ZNF177: variants seen among roughly 807,000 people sequenced by gnomAD.
ZNF177 encodes zinc finger protein 177.
ZNF177 carries 17 observed loss-of-function variants against 19.4 expected under a neutral mutation model. That is an observed-to-expected ratio of 0.87 (90% confidence interval 0.60 to 1.31). ZNF177 has a LOEUF of 1.31. Among genes scored for constraint, ZNF177 ranks in the 40% most tolerant of loss-of-function variants. The pLI is 0.00. For synonymous variants in ZNF177, 220 were observed against 188.7 expected (o/e 1.17, Z -1.36); for missense variants, 633 against 561.8 (o/e 1.13, Z -1.28).
At chr19:9,379,369 G>C (rs1296250583) in intron 3 of ZNF177, among the ~76,000 whole-genome samples, 158 bp from the exon 6 acceptor site, 1 of 152,248 alleles carries the variant, frequency 6.6e-6, no homozygotes, top group Non-Finnish European at 1.5e-5. Flanking sequence ...TTTGGTTCTT[G>C]TGAAAGAAAG....
chr19:9,379,990 T>TCC, intron 4 of ZNF177, 67 bp from the exon 7 acceptor site: 1 of 1,550,288 alleles, frequency 6.5e-7, no homozygotes, highest in South Asian at 1.2e-5. Flanking sequence ...CCATAGGGTC[T>TCC]CCCTCCCTTT....
chr19:9,380,664 A>G lies in ZNF177; in HGVS notation c.337-4A>G, dbSNP rs2122562681. 6.5e-7 allele frequency: 1 copy of G among 1,535,762 alleles called. No homozygotes were observed. Among genetic ancestry groups the G allele is most frequent in the Non-Finnish European group, 8.7e-7 (1 of 1,146,774 alleles). On this transcript the variant is annotated splice_region_variant and splice_polypyrimidine_tract_variant and intron_variant, in intron 5 of 5. Coordinates refer to ENST00000589262, the Ensembl canonical transcript of ZNF177. Reference sequence around the variant, plus strand: ...CTAGTCACCACTTACTCCCTTTTCAACAGGCAGAAAATCAACCTGGTGAGC... The same window carrying G: ...CTAGTCACCACTTACTCCCTTTTCAGCAGGCAGAAAATCAACCTGGTGAGC...
chr19:9,366,046 A>T (rs2067974810), intron 2 of ZNF177, among the ~76,000 whole-genome samples: 1 of 152,038 alleles, frequency 6.6e-6, no homozygotes, highest in Non-Finnish European at 1.5e-5. Flanking sequence ...GCAGTGGCGC[A>T]ATCTCGGCTC....
chr19:9,370,540 A>G (rs1399692749), intron 2 of ZNF177, among the ~76,000 whole-genome samples: 1 of 151,856 alleles, frequency 6.6e-6, no homozygotes, highest in African/African-American at 2.4e-5. Context: ...CAGCCTCCCT[A>G]GTAGCTGGGA....
exon 6 of ZNF177, chr19:9,381,924 G>T (rs2068209654): frequency 8.3e-7 from 1 of 1,201,824 alleles, no homozygotes; most frequent in Non-Finnish European, 1.1e-6. Flanking sequence ...CCTTATAAAT[G>T]TTATAGCTAT....
intron 5 of ZNF177, 138 bp from the exon 8 acceptor site, chr19:9,380,530 G>C: frequency 1.3e-6 from 2 of 1,507,976 alleles, no homozygotes; most frequent in Non-Finnish European, 1.8e-6. Flanking sequence ...AAAGTCATAC[G>C]CACCTACTGA....
intron 2 of ZNF177, among the ~76,000 whole-genome samples, chr19:9,370,539 T>C: frequency 6.6e-6 from 1 of 151,758 alleles, no homozygotes; most frequent in East Asian, 1.9e-4. Flanking sequence ...TCAGCCTCCC[T>C]AGTAGCTGGG....
chr19:9,376,958 C>G (rs887070555), intron 1 of ZNF177, among the ~76,000 whole-genome samples: 3 of 152,136 alleles, frequency 2.0e-5, no homozygotes, highest in African/African-American at 4.8e-5. Context: ...AGCTCCATTA[C>G]TGATGAAGCC....
exon 6 of ZNF177, chr19:9,381,821 C>T: frequency 1.3e-6 from 2 of 1,542,974 alleles, no homozygotes. Flanking sequence ...CCTCCTTTCT[C>T]ACTTTAGAAC....
At position 9,381,269 on chromosome 19, in the gene ZNF177, A is replaced by C. The variant is rs1291243943; in HGVS notation, c.938A>C (p.Glu313Ala). 2.5e-6 allele frequency: 4 copies of C among 1,614,028 alleles called. No homozygotes were observed. In the South Asian group the frequency reaches 4.4e-5, roughly 18 times the overall value. Residue 313 changes from glutamate to alanine, a missense_variant, in exon 6 of 6, where the codon GAG (glutamate) becomes GCG (alanine). Glu to Ala is a moderately radical substitution (Grantham distance 107, BLOSUM62 -1). Coordinates refer to ENST00000589262, the Ensembl canonical transcript of ZNF177. ...TCTCATACTGGAGAGAAGCCTTATG[A>C]GTGTGATCACTGTGGAAAATCCTTT...
At chr19:9,378,838 T>A (rs2122550925) in intron 2 of ZNF177, 124 bp from the exon 5 acceptor site, 1 of 1,393,436 alleles carries the variant, frequency 7.2e-7, no homozygotes, top group Middle Eastern at 2.4e-4. Flanking sequence ...AGGCCTCTGA[T>A]GCATGTCTGA....
At chr19:9,381,233 A>G (rs1328138442) in exon 6 of ZNF177, 1 of 1,614,160 alleles carries the variant, frequency 6.2e-7, no homozygotes, top group South Asian at 1.1e-5. Flanking sequence ...TCCCTTAAGA[A>G]ACACATGAGA....
At chr19:9,379,907 A>G (rs1325331802) in intron 4 of ZNF177, 150 bp from the exon 7 acceptor site, 6 of 959,004 alleles carry the variant, frequency 6.3e-6, no homozygotes, top group South Asian at 1.9e-5. Flanking sequence ...GCTTGTTCCT[A>G]TCACTGGTGA....
At position 9,381,107 on chromosome 19, in the gene ZNF177, A is replaced by AT. The variant is rs1451785916; in HGVS notation, c.777dup (p.Glu260Ter). On this transcript the variant is annotated frameshift_variant, in exon 6 of 6. Transcript: ENST00000589262. LOFTEE classifies it low-confidence loss of function (END_TRUNC). ...AGTGTGGAGGAGGGTTTGGAATGTA[A>AT]TGAACATGAGAAAACTTTCACTGAC... 6.2e-7 allele frequency: 1 copy of AT among 1,613,500 alleles called. No individual in the cohort carries two copies. The highest frequency in any genetic ancestry group is 8.5e-7 in the Non-Finnish European group (1 of 1,180,032).
At chr19:9,380,466 T>TG (rs2068178076) in intron 5 of ZNF177, 2 of 1,024,268 alleles carry the variant, frequency 2.0e-6, no homozygotes, top group African/African-American at 3.3e-5. Context: ...TGGGAAGGAA[T>TG]AGAGCCTTGG....
chr19:9,381,618 T>C, exon 6 of ZNF177: 1 of 1,614,112 alleles, frequency 6.2e-7, no homozygotes, highest in Non-Finnish European at 8.5e-7. Context: ...GTAAAGAATG[T>C]GGGAAGGCCT....
upstream of ZNF177, among the ~76,000 whole-genome samples, chr19:9,372,137 A>C (rs2068054238): frequency 2.0e-5 from 3 of 152,290 alleles, no homozygotes; most frequent in South Asian, 2.1e-4. Flanking sequence ...GACCTGACTT[A>C]AAGTTGATTT....
intron 5 of ZNF177, 74 bp downstream of exon 7, chr19:9,380,213 A>C (rs2068173300): frequency 6.7e-7 from 1 of 1,487,988 alleles, no homozygotes; most frequent in Non-Finnish European, 9.0e-7. Context: ...AAACATCAGC[A>C]CCCAAAGCAG....
chr19:9,379,375 GAA>G, intron 3 of ZNF177, 150 bp from the exon 6 acceptor site: 2 of 1,218,172 alleles, frequency 1.6e-6, no homozygotes, highest in South Asian at 1.6e-5. Context: ...TCTTGTGAAA[GAA>G]AGAGCTCGGC....
Sources: allele counts gnomAD v4.1 joint callset (sites outside exome capture counted in the v4.1 genomes callset), GRCh38; gene constraint gnomAD v4.1.1; transcripts MANE v1.5; gene names NCBI Gene and HGNC (gene_info 2026-07-23, HGNC 2026-07-21).